GLCE: variants seen among roughly 807,000 people sequenced by gnomAD.
The protein encoded by GLCE is glucuronic acid epimerase.
Under a neutral mutation model 47.9 loss-of-function variants are expected in GLCE, and 19 were observed. The ratio of observed to expected loss-of-function variants is 0.40; its 90% CI spans 0.28 to 0.58. The LOEUF is 0.58. Ranked by LOEUF, GLCE falls within the 20% of genes least tolerant of loss-of-function variation. The probability of loss-of-function intolerance (pLI) is 0.48; values close to 1 mark genes in which losing one functional copy is unlikely to be tolerated. For missense variants in GLCE, 556 were observed against 743.3 expected (o/e 0.75, Z 2.93); for synonymous variants, 245 against 263.4 (o/e 0.93, Z 0.68).
intron 1 of GLCE, among the ~76,000 whole-genome samples, chr15:69,171,428 G>C (rs899331240): frequency 6.8e-6 from 1 of 148,140 alleles, no homozygotes; most frequent in African/African-American, 2.5e-5. Context: ...ATGGAGTCTC[G>C]CACTGTCGCC....
At chr15:69,238,808 G>T (rs1045725917) in intron 2 of GLCE, among the ~76,000 whole-genome samples, 1 of 152,104 alleles carries the variant, frequency 6.6e-6, no homozygotes, top group Admixed American at 6.5e-5. Flanking sequence ...TCTGAATAAG[G>T]CATGTTTGAG....
At chr15:69,215,257 C>T (rs1006106755) in intron 2 of GLCE, among the ~76,000 whole-genome samples, 3 of 152,090 alleles carry the variant, frequency 2.0e-5, no homozygotes, top group African/African-American at 7.2e-5. Context: ...TCCTGGCAAC[C>T]CCTAATGTGT....
chr15:69,207,762 T>C (rs2052172168), intron 1 of GLCE, among the ~76,000 whole-genome samples: 1 of 152,080 alleles, frequency 6.6e-6, no homozygotes, highest in African/African-American at 2.4e-5. Context: ...AGTAAGTATC[T>C]AGAAGTTTGA....
At chr15:69,168,035 T>C (rs1390294262) in intron 1 of GLCE, among the ~76,000 whole-genome samples, 2 of 152,096 alleles carry the variant, frequency 1.3e-5, no homozygotes, top group African/African-American at 4.8e-5. Context: ...CAATATCTCT[T>C]CCACACATAC....
chr15:69,238,487 A>G (rs1407740123), intron 2 of GLCE, among the ~76,000 whole-genome samples: 1 of 152,222 alleles, frequency 6.6e-6, no homozygotes, highest in Non-Finnish European at 1.5e-5. Flanking sequence ...AATGCTTAGC[A>G]TATATGGTAA....
intron 2 of GLCE, among the ~76,000 whole-genome samples, chr15:69,215,692 C>A (rs1362745174): frequency 6.6e-6 from 1 of 152,068 alleles, no homozygotes; most frequent in East Asian, 1.9e-4. Flanking sequence ...AGTGAATATA[C>A]AATTTTGCAT....
intron 2 of GLCE, among the ~76,000 whole-genome samples, chr15:69,247,687 C>T (rs1319611180): frequency 6.6e-6 from 1 of 152,136 alleles, no homozygotes; most frequent in East Asian, 1.9e-4. Flanking sequence ...CTCTTCCTTT[C>T]ACTTGAATAG....
At chr15:69,208,944 TGATTGATGTTG>T (rs1236803936) in intron 1 of GLCE, among the ~76,000 whole-genome samples, 7 of 152,118 alleles carry the variant, frequency 4.6e-5, no homozygotes, top group African/African-American at 1.7e-4. Context: ...TACAGAAATG[TGATTGATGTTG>T]ACCTTTTCTC....
rs368404610 is a variant in GLCE, at chr15:69,191,868, G to GT, written c.-104-18441dup. Among the ~76,000 whole-genome samples, 725 of 152,076 alleles carry GT rather than the reference G, an allele frequency of 4.8e-3. 7 individuals are homozygous for GT. The highest frequency in any genetic ancestry group is 0.017 in the African/African-American group (694 of 41,488). ...TTTTTCCTGCATACTAGGTTGCCTT[G>GT]TTTTTTTCCTTTTCTGTACTTTGTA... On this transcript the variant is annotated intron_variant, in intron 1 of 4. Transcript: ENST00000261858.
intron 1 of GLCE, among the ~76,000 whole-genome samples, chr15:69,192,195 C>T (rs1193224136): frequency 2.0e-5 from 3 of 151,602 alleles, no homozygotes; most frequent in Non-Finnish European, 4.4e-5. Flanking sequence ...TGTTGATTGC[C>T]GACATTGCTA....
Position 69,271,098 on chromosome 15 carries a change from A to G in GLCE, c.*1854A>G, listed in dbSNP as rs1422469206. 2 of 152,672 alleles carry G rather than the reference A, an allele frequency of 1.3e-5. No homozygotes were observed. The highest frequency in any genetic ancestry group is 2.9e-5 in the Non-Finnish European group (2 of 68,042). 9.5% of individuals were successfully genotyped at this position (152,672 alleles called of 1,614,324 possible). A position where few individuals can be genotyped will look rare whatever the true frequency, so the allele number is the denominator to read the frequency against. On this transcript the variant is annotated 3_prime_UTR_variant, in exon 5 of 5. Transcript: ENST00000261858. ...GGTCTTCAGATTATGAGACTCGATG[A>G]TAACAGTATGGTACTGCTTCTGTGA...
chr15:69,247,943 T>A (rs1344956354), intron 2 of GLCE, among the ~76,000 whole-genome samples: 2 of 152,164 alleles, frequency 1.3e-5, no homozygotes, highest in Non-Finnish European at 2.9e-5. Context: ...ATAACAGATA[T>A]AATTATGAGA....
intron 1 of GLCE, among the ~76,000 whole-genome samples, chr15:69,179,686 C>G (rs2051723588): frequency 6.6e-6 from 1 of 152,064 alleles, no homozygotes; most frequent in South Asian, 2.1e-4. Flanking sequence ...CAATTCAGTA[C>G]AAAGAACAAC....
chr15:69,232,018 C>G (rs2052531631), intron 2 of GLCE, among the ~76,000 whole-genome samples: 1 of 152,096 alleles, frequency 6.6e-6, no homozygotes, highest in African/African-American at 2.4e-5. Context: ...GTCTCGAACT[C>G]CTAACCTTGT....
chr15:69,261,470 C>T lies in GLCE; in HGVS notation c.829+141C>T. On this transcript the variant is annotated intron_variant, in intron 4 of 4. Transcript: ENST00000261858. ...TATATAAAGTAACAAATGGTGTCAC[C>T]CCAATGAAATCTCTAAAAAAGATAC... 4 of 779,636 alleles carry T rather than the reference C, an allele frequency of 5.1e-6. No individual in the cohort carries two copies. The South Asian group carries it at 7.7e-5, about 15-fold the overall frequency. 48.3% of individuals were successfully genotyped at this position (779,636 alleles called of 1,614,324 possible).
In GLCE at chr15:69,254,781, A is replaced by G. The variant is rs184067660; in HGVS notation, c.-13-1013A>G. On this transcript the variant is annotated intron_variant, in intron 2 of 4. Transcript: ENST00000261858. ...AAATAAAGATATATGTATTGGATAT[A>G]CGTATCTGCAGCTCTGAAGAAAGAC... Among the ~76,000 whole-genome samples the G allele has an allele frequency of 1.4e-3, 216 of 152,300 alleles. 1 individual carries two copies. The highest frequency in any genetic ancestry group is 5.0e-3 in the African/African-American group (209 of 41,566).
chr15:69,222,469 A>C (rs1407940434), intron 2 of GLCE, among the ~76,000 whole-genome samples: 2 of 152,170 alleles, frequency 1.3e-5, no homozygotes, highest in African/African-American at 4.8e-5. Flanking sequence ...CCCTGGTCCC[A>C]CAGGAAAGAA....
intron 3 of GLCE, among the ~76,000 whole-genome samples, chr15:69,258,335 T>C (rs1379202954): frequency 6.6e-6 from 1 of 152,206 alleles, no homozygotes; most frequent in Non-Finnish European, 1.5e-5. Flanking sequence ...TCTCTTTCTT[T>C]TTTATGGCTG....
At chr15:69,242,357 T>G (rs1026150785) in intron 2 of GLCE, among the ~76,000 whole-genome samples, 10 of 152,168 alleles carry the variant, frequency 6.6e-5, no homozygotes, top group Admixed American at 1.3e-4. Flanking sequence ...TTTCACTTGT[T>G]TTCTGTATGT....
Sources: gnomAD v4.1 joint callset for allele counts (sites outside exome capture counted in the v4.1 genomes callset) on GRCh38, gnomAD v4.1.1 for gene constraint, MANE v1.5 for transcripts, NCBI Gene and HGNC (gene_info 2026-07-23, HGNC 2026-07-21) for gene names.